TNKS: variants seen among roughly 807,000 people sequenced by gnomAD.
TNKS encodes poly [ADP-ribose] polymerase tankyrase-1.
Under a neutral mutation model 135.8 loss-of-function variants are expected in TNKS, and 72 were observed. The observed-to-expected ratio is 0.53, with a 90% CI of 0.44 to 0.64. The LOEUF (loss-of-function observed/expected upper bound fraction) is 0.64, where lower values mean the gene tolerates loss of function less well. Among genes scored for constraint, TNKS ranks in the 30% least tolerant of loss-of-function variants. The probability of loss-of-function intolerance (pLI) is 0.00; values close to 1 mark genes in which losing one functional copy is unlikely to be tolerated. For synonymous variants in TNKS, 849 were observed against 649.3 expected (o/e 1.31, Z -4.68); for missense variants, 1,769 against 1,674.0 (o/e 1.06, Z -0.99).
In TNKS at chr8:9,673,600, C is replaced by T. The variant is rs371355091; in HGVS notation, c.995-6351C>T. Among the ~76,000 whole-genome samples, 30 of 152,016 alleles carry T rather than the reference C, an allele frequency of 2.0e-4. No individual in the cohort carries two copies. In the East Asian group the frequency reaches 3.5e-3, roughly 18 times the overall value. On this transcript the variant is annotated intron_variant, in intron 3 of 26. Coordinates refer to ENST00000310430, the MANE Select transcript of TNKS (RefSeq NM_003747.3). The stretch of plus-strand genomic sequence containing the variant: ...ATGGGATTACAGGCACGTGCCACCA[C>T]GCCCAGCTAATTTTTTTGTGTTTTT...
At chr8:9,594,642 TA>T (rs1305246352) in intron 2 of TNKS, among the ~76,000 whole-genome samples, 3 of 152,228 alleles carry the variant, frequency 2.0e-5, no homozygotes, top group Non-Finnish European at 4.4e-5. Context: ...TGTCAGTGAA[TA>T]TTTTTATATA....
chr8:9,703,552 G>C (rs1803917916), intron 5 of TNKS, among the ~76,000 whole-genome samples: 1 of 152,100 alleles, frequency 6.6e-6, no homozygotes, highest in Non-Finnish European at 1.5e-5. Context: ...AATCTGAATG[G>C]TCTCCTCGTT....
intron 3 of TNKS, among the ~76,000 whole-genome samples, chr8:9,659,792 C>A (rs1801605440): frequency 6.6e-6 from 1 of 152,110 alleles, no homozygotes; most frequent in South Asian, 2.1e-4. Context: ...ATCAATGAAT[C>A]CAGGAGCTGG....
At chr8:9,578,709 T>C (rs768728853) in intron 1 of TNKS, among the ~76,000 whole-genome samples, 1 of 152,208 alleles carries the variant, frequency 6.6e-6, no homozygotes, top group Non-Finnish European at 1.5e-5. Context: ...AAGGAAGATG[T>C]GACTCTTTTA....
chr8:9,615,683 A>G lies in TNKS; in HGVS notation c.994+6A>G, dbSNP rs1799618977. 6.2e-7 allele frequency: 1 copy of G among 1,603,798 alleles called. No individual in the cohort carries two copies. The highest frequency in any genetic ancestry group is 8.5e-7 in the Non-Finnish European group (1 of 1,172,832). The stretch of plus-strand genomic sequence containing the variant: ...AGCAAAAGCTGTCCTTACAGGTAAG[A>G]AGACAGAGAGCTACCGAATGATTAT... On this transcript the variant is annotated splice_donor_region_variant and intron_variant, in intron 3 of 26. Coordinates refer to ENST00000310430, the MANE Select transcript of TNKS (RefSeq NM_003747.3).
chr8:9,710,001 A>C lies in TNKS; in HGVS notation c.1625A>C (p.Glu542Ala). 1 of 1,614,142 alleles carries C rather than the reference A, an allele frequency of 6.2e-7. No individual in the cohort carries two copies. The highest frequency in any genetic ancestry group is 8.5e-7 in the Non-Finnish European group (1 of 1,180,012). ...SLHPKRKQVT[E>A]LLLRKGANVN... ...CATCCCAAACGTAAACAAGTGACAG[A>C]ATTGTTACTTAGAAAAGGAGCAAAT... The change falls in exon 10 of 27, where the codon GAA becomes GCA. Residue 542 changes from glutamate to alanine, a missense_variant. By Grantham distance (107) the Glu-to-Ala change is moderately radical. Around this residue, in one of 5 missense-constraint regions of TNKS, gnomAD observed 523 missense variants for 541.0 expected, o/e 0.97. Coordinates refer to ENST00000310430, the MANE Select transcript of TNKS (RefSeq NM_003747.3).
chr8:9,639,270 A>C (rs1469951579), intron 3 of TNKS, among the ~76,000 whole-genome samples: 1 of 152,160 alleles, frequency 6.6e-6, no homozygotes, highest in African/African-American at 2.4e-5. Context: ...AATTGGAATG[A>C]AAACCAATTA....
chr8:9,580,066 T>C, intron 1 of TNKS, 93 bp from the exon 2 acceptor site: 3 of 1,028,816 alleles, frequency 2.9e-6, no homozygotes, highest in Non-Finnish European at 4.5e-6. Flanking sequence ...AGTACTTCAG[T>C]TGTTCATACT....
chr8:9,647,715 A>ATATTCATT (rs1251392661), intron 3 of TNKS, among the ~76,000 whole-genome samples: 1 of 152,158 alleles, frequency 6.6e-6, no homozygotes, highest in Non-Finnish European at 1.5e-5. Context: ...GCCATATCTT[A>ATATTCATT]TATTCATTAT....
chr8:9,772,833 G>GTGTC (rs1808005256), intron 26 of TNKS, among the ~76,000 whole-genome samples: 1 of 106,026 alleles, frequency 9.4e-6, no homozygotes. Context: ...GTGTGTGTCT[G>GTGTC]TGTGTGTGTG....
intron 3 of TNKS, among the ~76,000 whole-genome samples, chr8:9,661,960 A>G (rs1411520021): frequency 6.6e-6 from 1 of 152,406 alleles, no homozygotes; most frequent in South Asian, 2.1e-4. Flanking sequence ...GAAGACATTT[A>G]TGCAGCCAAA....
intron 20 of TNKS, among the ~76,000 whole-genome samples, chr8:9,754,741 G>A (rs1053923690): frequency 1.3e-5 from 2 of 151,990 alleles, no homozygotes; most frequent in Non-Finnish European, 2.9e-5. Flanking sequence ...CAGTAATATT[G>A]TGCTGCTGTG....
intron 3 of TNKS, among the ~76,000 whole-genome samples, chr8:9,638,986 A>C (rs1444558308): frequency 6.6e-6 from 1 of 152,154 alleles, no homozygotes; most frequent in East Asian, 1.9e-4. Context: ...GGTGTCTTGA[A>C]AATTGTATTA....
intron 3 of TNKS, among the ~76,000 whole-genome samples, chr8:9,639,289 A>C (rs942107221): frequency 2.4e-4 from 37 of 152,266 alleles, no homozygotes; most frequent in African/African-American, 8.4e-4. Flanking sequence ...TAAGCTTTGA[A>C]GGAATGCACA....
rs550542145 is a variant in TNKS, at chr8:9,706,981, T to C, written c.1440T>C (p.Leu480=). 35 of 1,597,210 alleles carry C rather than the reference T, an allele frequency of 2.2e-5. No individual in the cohort carries two copies. In the South Asian group the frequency reaches 3.7e-4, roughly 17 times the overall value. Residue 480 remains leucine, a synonymous_variant, in exon 8 of 27, where the codon CTT becomes CTC. Transcript: ENST00000310430. ...SAVDMAPTPE[L]RERLTYEFKG... ...TGGATATGGCTCCAACTCCGGAGCT[T>C]AGGGAGAGATTGACTTGTACGTATT...
intron 2 of TNKS, among the ~76,000 whole-genome samples, chr8:9,583,164 CAA>C (rs35527299): frequency 2.6e-4 from 19 of 71,736 alleles, no homozygotes; most frequent in Admixed American, 6.3e-4. Context: ...GACTCTGTCT[CAA>C]AAAAAAAAAA....
rs1232614236 is a variant in TNKS at position 9,680,812 on chromosome 8, T to G, written c.1107+12T>G. On this transcript the variant is annotated intron_variant, in intron 5 of 26. Coordinates refer to ENST00000310430, the MANE Select transcript of TNKS (RefSeq NM_003747.3). ...GTGATGGGCGAAAGGTAAGTTATTT[T>G]AAATACAATCCTCTTTAATTGCAAT... 1 of 1,607,140 alleles carries G rather than the reference T, an allele frequency of 6.2e-7. No homozygotes were observed. Among genetic ancestry groups the G allele is most frequent in the Non-Finnish European group, 8.5e-7 (1 of 1,174,440 alleles).
chr8:9,649,442 A>G lies in TNKS; in HGVS notation c.995-30509A>G, dbSNP rs549624303. Among the ~76,000 whole-genome samples, 101 of 152,346 alleles carry G rather than the reference A, an allele frequency of 6.6e-4. 1 individual carries two copies. Among genetic ancestry groups the G allele is most frequent in the African/African-American group, 2.3e-3 (94 of 41,584 alleles). On this transcript the variant is annotated intron_variant, in intron 3 of 26. Transcript: ENST00000310430. ...GAATATAAAGTAAGTTACACTGAAG[A>G]AGAAATGAATAATAACTAATGGTCT...
intron 13 of TNKS, among the ~76,000 whole-genome samples, chr8:9,728,044 CTTA>C (rs1311207688): frequency 6.6e-6 from 1 of 152,118 alleles, no homozygotes; most frequent in Non-Finnish European, 1.5e-5. Flanking sequence ...GCTATATGTG[CTTA>C]TTATAATTAA....
Sources: gnomAD v4.1 joint callset for allele counts (sites outside exome capture counted in the v4.1 genomes callset) on GRCh38, gnomAD v4.1.1 for gene constraint, gnomAD v4.1.1 regional missense constraint, MANE v1.5 for transcripts, NCBI Gene and HGNC (gene_info 2026-07-23, HGNC 2026-07-21) for gene names.